Variants in GLIS3 observed in about 807,000 individuals in gnomAD.
GLIS3 encodes the protein GLIS family zinc finger 3, also known as zinc finger protein GLIS3.
A neutral mutation model predicts 78.6 loss-of-function variants in GLIS3; 53 were observed. That is an observed-to-expected ratio of 0.67 (90% CI 0.54 to 0.85). GLIS3 has a LOEUF of 0.85. GLIS3 is among the 40% of genes least tolerant of loss of function. The probability of loss-of-function intolerance (pLI) is 0.00; values close to 1 mark genes in which losing one functional copy is unlikely to be tolerated. For missense variants in GLIS3, 1,703 were observed against 1,231.1 expected (o/e 1.38, Z -5.74); for synonymous variants, 684 against 509.9 (o/e 1.34, Z -4.60).
chr9:4,472,283 T>C, the GLIS3 span, among the ~76,000 whole-genome samples: 2,304 of 152,344 alleles, frequency 0.015, 56 homozygotes, highest in African/African-American at 0.054. Context: ...TTATAAATCA[T>C]GCTACTATAA....
chr9:4,100,704 G>C lies in GLIS3; in HGVS notation c.1710+17064C>G, dbSNP rs369499697. Among the ~76,000 whole-genome samples the C allele has an allele frequency of 5.9e-5, 9 of 152,166 alleles. No homozygotes were observed. The East Asian group carries it at 1.2e-3, about 20-fold the overall frequency. Reference sequence around the variant, plus strand: ...ACAAGTAGTAGTATAGAATTATCTAGTGTTCTAAGTGGTATAATATTGAGG... The same window carrying C: ...ACAAGTAGTAGTATAGAATTATCTACTGTTCTAAGTGGTATAATATTGAGG... On this transcript the variant is annotated intron_variant, in intron 4 of 10. Transcript: ENST00000381971.
chr9:3,841,128 T>C (rs1818689828), intron 9 of GLIS3, among the ~76,000 whole-genome samples: 1 of 152,090 alleles, frequency 6.6e-6, no homozygotes, highest in Non-Finnish European at 1.5e-5. Context: ...ATGTAATCAG[T>C]TTTCATTTGA....
At chr9:3,860,383 G>C (rs1820124081) in intron 8 of GLIS3, among the ~76,000 whole-genome samples, 1 of 150,898 alleles carries the variant, frequency 6.6e-6, no homozygotes, top group Non-Finnish European at 1.5e-5. Flanking sequence ...CTGATTATTT[G>C]GGGGTATTTA....
chr9:4,412,296 T>C, the GLIS3 span, among the ~76,000 whole-genome samples: 1 of 152,220 alleles, frequency 6.6e-6, no homozygotes, highest in Non-Finnish European at 1.5e-5. Flanking sequence ...TGTCTACAAA[T>C]GGGTTTCTTT....
chr9:4,223,906 T>C (rs141987453), intron 2 of GLIS3, among the ~76,000 whole-genome samples: 21 of 152,170 alleles, frequency 1.4e-4, no homozygotes, highest in African/African-American at 4.6e-4. Flanking sequence ...CCAATTTCAC[T>C]GTTGTTCCTA....
Position 4,196,894 on chromosome 9 carries a change from G to C in GLIS3, c.389-70953C>G, listed in dbSNP as rs13297405. On this transcript the variant is annotated intron_variant, in intron 2 of 10. Transcript: ENST00000381971. The stretch of plus-strand genomic sequence containing the variant: ...GCATGTGTCCTTGCTGAGTGCCCCA[G>C]CCTGTTCCCCTGAGATCATGGTGCA... Among the ~76,000 whole-genome samples the C allele has an allele frequency of 4.8e-3, 738 of 152,284 alleles. 3 individuals carry two copies. Among genetic ancestry groups the C allele is most frequent in the Middle Eastern group, 0.014 (4 of 294 alleles).
chr9:4,394,728 G>C, the GLIS3 span, among the ~76,000 whole-genome samples: 1 of 152,144 alleles, frequency 6.6e-6, no homozygotes, highest in Non-Finnish European at 1.5e-5. Context: ...CTCTACGTTT[G>C]TTTTTGCCGA....
chr9:3,942,900 A>G (rs1309979336), intron 4 of GLIS3, among the ~76,000 whole-genome samples: 1 of 152,260 alleles, frequency 6.6e-6, no homozygotes, highest in Non-Finnish European at 1.5e-5. Context: ...CAAAAGAACT[A>G]GAAAACAAAA....
intron 2 of GLIS3, among the ~76,000 whole-genome samples, chr9:4,217,190 T>C (rs187545463): frequency 7.9e-5 from 12 of 152,266 alleles, no homozygotes; most frequent in Admixed American, 5.9e-4. Flanking sequence ...CCCAAAACCC[T>C]AGCACCCAAA....
At chr9:3,859,467 T>A (rs1191355786) in intron 8 of GLIS3, among the ~76,000 whole-genome samples, 6 of 151,992 alleles carry the variant, frequency 3.9e-5, no homozygotes, top group African/African-American at 1.5e-4. Flanking sequence ...TTAAATCAAA[T>A]GAAGGTAAAT....
intron 4 of GLIS3, among the ~76,000 whole-genome samples, chr9:3,963,653 G>C (rs1817728540): frequency 6.6e-6 from 1 of 152,088 alleles, no homozygotes; most frequent in Admixed American, 6.5e-5. Flanking sequence ...TCAAAGCAGG[G>C]AGGTCATTTA....
At chr9:4,323,225 G>C (rs1471193049) in intron 2 of GLIS3, among the ~76,000 whole-genome samples, 1 of 152,146 alleles carries the variant, frequency 6.6e-6, no homozygotes, top group Non-Finnish European at 1.5e-5. Context: ...GATAGTTGTA[G>C]ATGTGTGATA....
At chr9:3,948,541 G>T (rs1277819965) in intron 4 of GLIS3, among the ~76,000 whole-genome samples, 1 of 152,000 alleles carries the variant, frequency 6.6e-6, no homozygotes, top group Non-Finnish European at 1.5e-5. Flanking sequence ...CAATCCCCCT[G>T]ACTGTTCTAC....
chr9:4,242,073 T>G (rs1823373506), intron 2 of GLIS3, among the ~76,000 whole-genome samples: 1 of 152,200 alleles, frequency 6.6e-6, no homozygotes, highest in Non-Finnish European at 1.5e-5. Flanking sequence ...TCCTGCTGCT[T>G]TGGGTCTCTC....
At chr9:3,893,588 C>G (rs1822605347) in intron 7 of GLIS3, among the ~76,000 whole-genome samples, 1 of 152,180 alleles carries the variant, frequency 6.6e-6, no homozygotes, top group East Asian at 1.9e-4. Context: ...CAGTGCAATT[C>G]TAATTCTAAC....
chr9:4,031,915 G>T (rs1380051535), intron 4 of GLIS3, among the ~76,000 whole-genome samples: 1 of 152,094 alleles, frequency 6.6e-6, no homozygotes, highest in Non-Finnish European at 1.5e-5. Context: ...ATATATACAG[G>T]GCAGGGAGCC....
chr9:3,964,587 T>A (rs1015112635), intron 4 of GLIS3, among the ~76,000 whole-genome samples: 1 of 152,202 alleles, frequency 6.6e-6, no homozygotes, highest in Non-Finnish European at 1.5e-5. Flanking sequence ...ATAACAAGGA[T>A]CAATTATTCT....
At chr9:4,444,617 T>C in the GLIS3 span, among the ~76,000 whole-genome samples, 1 of 152,340 alleles carries the variant, frequency 6.6e-6, no homozygotes, top group Admixed American at 6.5e-5. Context: ...ACTTTGCCGA[T>C]TATCATGAAG....
the GLIS3 span, among the ~76,000 whole-genome samples, chr9:4,430,247 T>C: frequency 6.6e-6 from 1 of 152,248 alleles, no homozygotes; most frequent in Non-Finnish European, 1.5e-5. Flanking sequence ...TTATCATTAA[T>C]GCATGAGAAT....
Sources: allele counts gnomAD v4.1 joint callset (sites outside exome capture counted in the v4.1 genomes callset), GRCh38; gene constraint gnomAD v4.1.1; transcripts MANE v1.5; gene names NCBI Gene and HGNC (gene_info 2026-07-23, HGNC 2026-07-21).